SEMA6D: variants seen among roughly 807,000 people sequenced by gnomAD.
The protein encoded by SEMA6D is semaphorin-6D.
In SEMA6D, 35 loss-of-function variants were observed where a neutral mutation model predicts 106.6. That is an observed-to-expected ratio of 0.33 (90% CI 0.25 to 0.44). SEMA6D has a LOEUF of 0.44. Ranked by LOEUF, SEMA6D falls within the 20% of genes least tolerant of loss-of-function variation. SEMA6D has a pLI of 1.00. For synonymous variants in SEMA6D, 499 were observed against 487.7 expected (o/e 1.02, Z -0.31); for missense variants, 1,185 against 1,345.9 (o/e 0.88, Z 1.87).
chr15:47,227,490 C>CTCTTTCTT, intron 1 of SEMA6D, among the ~76,000 whole-genome samples: 1 of 125,708 alleles, frequency 8.0e-6, no homozygotes, highest in Non-Finnish European at 1.7e-5. Flanking sequence ...CTTTTTCTTT[C>CTCTTTCTT]TTTCTTTTTT....
At position 47,723,612 on chromosome 15, in the gene SEMA6D, G is replaced by A. The variant is rs191617562; in HGVS notation, c.-55+5920G>A. 9.3e-4 allele frequency among the ~76,000 whole-genome samples: 142 copies of A among 152,220 alleles called. 1 individual carries two copies. The highest frequency in any genetic ancestry group is 3.4e-3 in the African/African-American group (141 of 41,538). The stretch of plus-strand genomic sequence containing the variant: ...TGTACTATACATTTTTCTTAGTTAT[G>A]ATGGAGGGAAAATCTTTCAATCAGA... On this transcript the variant is annotated intron_variant, in intron 1 of 18. Coordinates refer to ENST00000536845, the MANE Select transcript of SEMA6D (RefSeq NM_001358351.3).
At chr15:47,766,445 G>C in intron 15 of SEMA6D, 171 bp from the exon 16 acceptor site, 1 of 661,052 alleles carries the variant, frequency 1.5e-6, no homozygotes. Flanking sequence ...TAGTTCACCA[G>C]TTTTTAACAG....
At chr15:47,365,332 TGAA>T (rs2038972160) in intron 1 of SEMA6D, among the ~76,000 whole-genome samples, 1 of 152,186 alleles carries the variant, frequency 6.6e-6, no homozygotes, top group African/African-American at 2.4e-5. Context: ...TGATGAAGTG[TGAA>T]TAATCTTCAT....
intron 2 of SEMA6D, among the ~76,000 whole-genome samples, chr15:47,469,143 T>C (rs1204026961): frequency 6.6e-6 from 1 of 152,178 alleles, no homozygotes; most frequent in Non-Finnish European, 1.5e-5. Flanking sequence ...ACTGACATGA[T>C]TGAGAATTAT....
chr15:47,318,095 C>G (rs2036761988), intron 1 of SEMA6D, among the ~76,000 whole-genome samples: 1 of 143,492 alleles, frequency 7.0e-6, no homozygotes, highest in African/African-American at 2.5e-5. Flanking sequence ...GCCTTCAAAA[C>G]ATCTTGACAG....
intron 1 of SEMA6D, among the ~76,000 whole-genome samples, chr15:47,308,830 T>C (rs1305039232): frequency 6.6e-6 from 1 of 152,226 alleles, no homozygotes; most frequent in African/African-American, 2.4e-5. Flanking sequence ...GGACAGTAGC[T>C]AAAATCAAAT....
At chr15:47,252,285 T>C (rs147071965) in intron 1 of SEMA6D, among the ~76,000 whole-genome samples, 2 of 152,302 alleles carry the variant, frequency 1.3e-5, no homozygotes, top group East Asian at 1.9e-4. Context: ...ATAATAATTG[T>C]ATATGTTTAT....
At chr15:47,346,389 A>G (rs2038045872) in intron 1 of SEMA6D, among the ~76,000 whole-genome samples, 1 of 152,174 alleles carries the variant, frequency 6.6e-6, no homozygotes, top group Non-Finnish European at 1.5e-5. Flanking sequence ...TAAGAAGGTC[A>G]CTTAATATCA....
chr15:47,437,296 AG>A (rs1407838002), intron 2 of SEMA6D, among the ~76,000 whole-genome samples: 3 of 152,128 alleles, frequency 2.0e-5, no homozygotes, highest in Non-Finnish European at 4.4e-5. Flanking sequence ...AGTGATCTTT[AG>A]GGCAAGGGTC....
At chr15:47,241,009 G>T (rs991528119) in intron 1 of SEMA6D, among the ~76,000 whole-genome samples, 13 of 152,094 alleles carry the variant, frequency 8.5e-5, no homozygotes, top group Admixed American at 8.5e-4. Flanking sequence ...TGTCATCCTT[G>T]CTTAACCACT....
intron 3 of SEMA6D, among the ~76,000 whole-genome samples, chr15:47,563,551 A>G (rs1420572837): frequency 6.6e-6 from 1 of 152,118 alleles, no homozygotes; most frequent in African/African-American, 2.4e-5. Context: ...GAACTCTCTG[A>G]TTAGATGATC....
At chr15:47,348,727 C>CACAGAGAGAGAGAGAGAGAGAGAG (rs1450109233) in intron 1 of SEMA6D, among the ~76,000 whole-genome samples, 1 of 57,054 alleles carries the variant, frequency 1.8e-5, no homozygotes, top group African/African-American at 5.0e-5. Context: ...ACCACACACA[C>CACAGAGAGAGAGAGAGAGAGAGAG]AGAGAGAGAG....
chr15:47,279,571 G>A lies in SEMA6D; in HGVS notation c.-239+95153G>A, dbSNP rs910587751. On this transcript the variant is annotated intron_variant, in intron 1 of 19. Coordinates refer to the SEMA6D transcript ENST00000558014. Reference sequence around the variant, plus strand: ...AGAACTTCCAACACTATGTTGAATAGGAGTGGTGAGAGAGGGCATCCCTGT... The same window carrying A: ...AGAACTTCCAACACTATGTTGAATAAGAGTGGTGAGAGAGGGCATCCCTGT... Among the ~76,000 whole-genome samples, 42 of 149,170 alleles carry A rather than the reference G, an allele frequency of 2.8e-4. 1 individual carries two copies. Among genetic ancestry groups the A allele is most frequent in the South Asian group, 1.1e-3 (5 of 4,696 alleles).
At chr15:47,523,852 G>A (rs1022077749) in intron 3 of SEMA6D, among the ~76,000 whole-genome samples, 1 of 152,134 alleles carries the variant, frequency 6.6e-6, no homozygotes, top group African/African-American at 2.4e-5. Flanking sequence ...TGGTTTCACT[G>A]TACTCCCGGG....
intron 1 of SEMA6D, among the ~76,000 whole-genome samples, chr15:47,729,717 C>A (rs2079994522): frequency 6.6e-6 from 1 of 152,212 alleles, no homozygotes; most frequent in African/African-American, 2.4e-5. Flanking sequence ...AGAAAGCTAT[C>A]AGAGATCCCT....
Position 47,564,096 on chromosome 15 carries a change from C to G in SEMA6D, c.-86-36769C>G, listed in dbSNP as rs114268967. On this transcript the variant is annotated intron_variant, in intron 3 of 19. Coordinates refer to the SEMA6D transcript ENST00000558014. ...ATGACATTTCCAAACAATCATCATG[C>G]TCATTTATAAATCATGGAGTGTGTT... Among the ~76,000 whole-genome samples the G allele has an allele frequency of 4.7e-3, 722 of 152,328 alleles. 5 individuals are homozygous for G. Among genetic ancestry groups the G allele is most frequent in the African/African-American group, 0.016 (681 of 41,572 alleles).
chr15:47,710,564 C>T lies in SEMA6D; in HGVS notation c.-54-49181C>T, dbSNP rs566112880. Reference sequence around the variant, plus strand: ...GAATTCATAACGCCTTAAACAGAAACTCTTGGAGGAAAAATACACACGCAC... The same window carrying T: ...GAATTCATAACGCCTTAAACAGAAATTCTTGGAGGAAAAATACACACGCAC... On this transcript the variant is annotated intron_variant, in intron 4 of 19. Transcript: ENST00000558014. Among the ~76,000 whole-genome samples the T allele has an allele frequency of 4.6e-5, 7 of 152,148 alleles. No homozygotes were observed. In the East Asian group the frequency reaches 1.4e-3, roughly 29 times the overall value.
Position 47,730,960 on chromosome 15 carries a change from A to G in SEMA6D, c.-55+13268A>G, listed in dbSNP as rs556114775. ...TCTTGGGCAGCGGGAGGAGAGAGCA[A>G]TCTTCCTATTTTAATTACCTAAGCA... On this transcript the variant is annotated intron_variant, in intron 1 of 18. Coordinates refer to ENST00000536845, the MANE Select transcript of SEMA6D (RefSeq NM_001358351.3). 613 of 682,684 alleles carry G rather than the reference A, an allele frequency of 9.0e-4. 2 individuals carry two copies. The African/African-American group carries it at 0.01, about 12-fold the overall frequency. 42.3% of individuals were successfully genotyped at this position (682,684 alleles called of 1,614,324 possible). A position where few individuals can be genotyped will look rare whatever the true frequency, so the allele number is the denominator to read the frequency against.
intron 4 of SEMA6D, chr15:47,605,461 A>G (rs2076759492): frequency 6.6e-6 from 1 of 152,162 alleles, no homozygotes; most frequent in Non-Finnish European, 1.5e-5. Context: ...CAACAATTCT[A>G]TTCAATTCTG....
Sources: gnomAD v4.1 joint callset for allele counts (sites outside exome capture counted in the v4.1 genomes callset) on GRCh38, gnomAD v4.1.1 for gene constraint, MANE v1.5 for transcripts, NCBI Gene and HGNC (gene_info 2026-07-23, HGNC 2026-07-21) for gene names.